The following FNDC3A variants were observed in gnomAD, a reference collection of about 807,000 sequenced individuals.
FNDC3A encodes fibronectin type-III domain-containing protein 3A.
Under a neutral mutation model 148.9 loss-of-function variants are expected in FNDC3A, and 32 were observed. That is an observed-to-expected ratio of 0.21 (90% CI 0.16 to 0.29). The LOEUF (loss-of-function observed/expected upper bound fraction) is 0.29. Among genes scored for constraint, FNDC3A ranks in the 10% least tolerant of loss-of-function variants. The pLI is 1.00. For missense variants in FNDC3A, 1,191 were observed against 1,452.8 expected (o/e 0.82, Z 2.93); for synonymous variants, 472 against 473.6 (o/e 1.00, Z 0.04).
chr13:49,121,186 G>A (rs938758204), intron 4 of FNDC3A, among the ~76,000 whole-genome samples: 2 of 152,188 alleles, frequency 1.3e-5, no homozygotes, highest in Non-Finnish European at 2.9e-5. Context: ...TCAGGATTAA[G>A]AAACTCACTC....
At chr13:49,130,004 C>T (rs1013115196) in intron 4 of FNDC3A, among the ~76,000 whole-genome samples, 2 of 152,026 alleles carry the variant, frequency 1.3e-5, no homozygotes, top group African/African-American at 4.8e-5. Context: ...TTTTCTGTTT[C>T]CTGAGGAAGG....
At chr13:49,032,684 C>T (rs541884170) in intron 2 of FNDC3A, among the ~76,000 whole-genome samples, 2 of 151,668 alleles carry the variant, frequency 1.3e-5, no homozygotes, top group Non-Finnish European at 1.5e-5. Flanking sequence ...TGCAGTGAGC[C>T]GAGACCGCGC....
chr13:49,135,420 GCCAAAT>G (rs901385547), intron 5 of FNDC3A, among the ~76,000 whole-genome samples: 4 of 151,914 alleles, frequency 2.6e-5, no homozygotes, highest in African/African-American at 9.7e-5. Context: ...AGAAACTATT[GCCAAAT>G]CCAAGGTCAT....
chr13:49,136,862 C>T (rs1882395794), intron 6 of FNDC3A, among the ~76,000 whole-genome samples: 1 of 151,970 alleles, frequency 6.6e-6, no homozygotes, highest in African/African-American at 2.4e-5. Flanking sequence ...TTTGATAAGG[C>T]TATGCTGCTG....
At chr13:49,033,159 A>G (rs1001501539) in intron 2 of FNDC3A, among the ~76,000 whole-genome samples, 11 of 152,168 alleles carry the variant, frequency 7.2e-5, no homozygotes, top group Non-Finnish European at 1.2e-4. Context: ...ATGAGAGCAA[A>G]AACAAAATAA....
Position 49,187,196 on chromosome 13 carries a change from A to G in FNDC3A, c.1825+6A>G. ...GATGGCAGAAGGTTCTAACGGTATGAATGGATATTAAACACTGATAGATTT... is the reference window on the plus strand; with the variant it reads ...GATGGCAGAAGGTTCTAACGGTATGGATGGATATTAAACACTGATAGATTT... On this transcript the variant is annotated splice_donor_region_variant and intron_variant, in intron 16 of 25. Coordinates refer to ENST00000492622, the MANE Select transcript of FNDC3A (RefSeq NM_001079673.2). The G allele has an allele frequency of 6.4e-7, 1 of 1,567,772 alleles. No homozygotes were observed. The highest frequency in any genetic ancestry group is 8.8e-7 in the Non-Finnish European group (1 of 1,139,146).
intron 1 of FNDC3A, among the ~76,000 whole-genome samples, chr13:48,979,413 C>T (rs1951660225): frequency 6.6e-6 from 1 of 152,074 alleles, no homozygotes; most frequent in Admixed American, 6.5e-5. Context: ...TCAGAGGAAA[C>T]TTAGAAATGA....
At chr13:49,077,432 T>C (rs1015190667) in intron 3 of FNDC3A, among the ~76,000 whole-genome samples, 20 of 152,236 alleles carry the variant, frequency 1.3e-4, no homozygotes, top group African/African-American at 4.6e-4. Context: ...TCTTCCCCCA[T>C]TTTACCTAGG....
At chr13:48,997,099 T>A (rs1430949137) in intron 1 of FNDC3A, among the ~76,000 whole-genome samples, 2 of 151,800 alleles carry the variant, frequency 1.3e-5, no homozygotes, top group African/African-American at 4.8e-5. Context: ...GATATCTCAA[T>A]CTAAATGTAC....
Position 49,048,530 on chromosome 13 carries a change from T to G in FNDC3A, c.100-26759T>G, listed in dbSNP as rs954231833. On this transcript the variant is annotated intron_variant, in intron 2 of 25. Transcript: ENST00000492622. ...TTATAGCTTTTCTTGTAGACGTCTT[T>G]CACCTCCTTGGTTAGGTATACTCCT... 3.9e-5 allele frequency among the ~76,000 whole-genome samples: 6 copies of G among 152,286 alleles called. No individual in the cohort carries two copies. The East Asian group carries it at 5.8e-4, about 15-fold the overall frequency.
intron 8 of FNDC3A, among the ~76,000 whole-genome samples, chr13:49,160,252 C>G (rs1008132760): frequency 2.0e-5 from 3 of 151,960 alleles, no homozygotes; most frequent in Non-Finnish European, 4.4e-5. Flanking sequence ...TGGTCCTGGG[C>G]TTTTTTTGGT....
intron 1 of FNDC3A, among the ~76,000 whole-genome samples, chr13:48,991,508 G>C (rs1365629583): frequency 6.6e-6 from 1 of 151,992 alleles, no homozygotes; most frequent in African/African-American, 2.4e-5. Context: ...GCAATGTGGT[G>C]AAACTACGTC....
intron 8 of FNDC3A, among the ~76,000 whole-genome samples, chr13:49,149,243 T>C (rs1448081013): frequency 6.6e-6 from 1 of 152,000 alleles, no homozygotes; most frequent in Non-Finnish European, 1.5e-5. Flanking sequence ...CAGTACCATA[T>C]TGGAGTGGTG....
Position 49,012,939 on chromosome 13 carries a change from G to C in FNDC3A, c.99+6650G>C, listed in dbSNP as rs180954065. Among the ~76,000 whole-genome samples the C allele has an allele frequency of 2.4e-3, 371 of 151,488 alleles. 2 individuals are homozygous for C. The highest frequency in any genetic ancestry group is 8.6e-3 in the African/African-American group (354 of 41,278). On this transcript the variant is annotated intron_variant, in intron 2 of 25. Coordinates refer to ENST00000492622, the MANE Select transcript of FNDC3A (RefSeq NM_001079673.2). The stretch of plus-strand genomic sequence containing the variant: ...TATACTCTTACTCATTTTGAGACTT[G>C]TTCTTAGTCTCAAAGAGAGTATTTT...
intron 2 of FNDC3A, among the ~76,000 whole-genome samples, chr13:49,036,526 A>G (rs935052890): frequency 6.6e-6 from 1 of 152,224 alleles, no homozygotes. Flanking sequence ...TTGAGCAAAC[A>G]TTTGTTCAAC....
chr13:48,994,475 T>A (rs1331305146), intron 1 of FNDC3A, among the ~76,000 whole-genome samples: 2 of 152,350 alleles, frequency 1.3e-5, no homozygotes, highest in Admixed American at 1.3e-4. Flanking sequence ...CTTTCAGAGA[T>A]ACATACTGAA....
intron 2 of FNDC3A, among the ~76,000 whole-genome samples, chr13:49,012,839 G>GTGTGTGTGTGTGTA (rs1952382927): frequency 6.6e-6 from 1 of 151,242 alleles, no homozygotes; most frequent in Admixed American, 6.6e-5. Context: ...GTGTGTGTGT[G>GTGTGTGTGTGTGTA]TATCATTTTC....
chr13:49,147,715 A>G (rs1048863562), intron 8 of FNDC3A, among the ~76,000 whole-genome samples: 1 of 152,150 alleles, frequency 6.6e-6, no homozygotes, highest in Non-Finnish European at 1.5e-5. Context: ...TCTCTTCAAT[A>G]TACTGATTTT....
At chr13:49,018,529 T>A (rs1296637158) in intron 2 of FNDC3A, among the ~76,000 whole-genome samples, 1 of 152,290 alleles carries the variant, frequency 6.6e-6, no homozygotes, top group Non-Finnish European at 1.5e-5. Flanking sequence ...GTTTTCAACT[T>A]CTTTGCCTTT....
Sources: gnomAD v4.1 joint callset for allele counts (sites outside exome capture counted in the v4.1 genomes callset) on GRCh38, gnomAD v4.1.1 for gene constraint, MANE v1.5 for transcripts, NCBI Gene and HGNC (gene_info 2026-07-23, HGNC 2026-07-21) for gene names.